Variants in STK3 observed in about 807,000 individuals in gnomAD.
STK3 encodes serine/threonine-protein kinase 3.
In STK3, 41 loss-of-function variants were observed where a neutral mutation model predicts 58.0. The ratio of observed to expected loss-of-function variants is 0.71; its 90% CI spans 0.55 to 0.92. STK3 has a LOEUF of 0.92. Ranked by LOEUF, STK3 falls within the 40% of genes least tolerant of loss-of-function variation. STK3 has a pLI of 0.00. For synonymous variants in STK3, 170 were observed against 191.0 expected (o/e 0.89, Z 0.91); for missense variants, 479 against 602.7 (o/e 0.79, Z 2.15).
intron 4 of STK3, among the ~76,000 whole-genome samples, chr8:98,741,890 A>G: frequency 6.6e-6 from 1 of 152,230 alleles, no homozygotes; most frequent in Non-Finnish European, 1.5e-5. Context: ...AAAAAATGAT[A>G]AAGGGGATAT....
chr8:98,808,311 C>T (rs557828736), intron 1 of STK3, among the ~76,000 whole-genome samples: 16 of 152,296 alleles, frequency 1.1e-4, no homozygotes, highest in South Asian at 6.2e-4. Context: ...TCTGCAAACA[C>T]CAAAACACAT....
intron 2 of STK3, among the ~76,000 whole-genome samples, chr8:98,374,720 G>T (rs1380780421): frequency 6.7e-6 from 1 of 150,016 alleles, no homozygotes; most frequent in Non-Finnish European, 1.5e-5. Context: ...CCATGGATGT[G>T]GGAAGAACTC....
At chr8:98,718,357 G>T (rs1198704485) in intron 4 of STK3, among the ~76,000 whole-genome samples, 1 of 152,160 alleles carries the variant, frequency 6.6e-6, no homozygotes. Context: ...CTGAGAGACA[G>T]GCAAGGACCA....
At chr8:98,696,864 G>T (rs76678403) in intron 6 of STK3, among the ~76,000 whole-genome samples, 42,279 of 152,008 alleles carry the variant, frequency 0.28, 6,486 homozygotes, top group Admixed American at 0.41. Flanking sequence ...GGATGACGCT[G>T]GCCTCATAAA....
chr8:98,602,983 T>C (rs1223267839), intron 6 of STK3, among the ~76,000 whole-genome samples: 1 of 151,784 alleles, frequency 6.6e-6, no homozygotes, highest in Non-Finnish European at 1.5e-5. Context: ...GCTTCTAAAA[T>C]GCCAATCCCC....
chr8:98,822,029 CATAT>C (rs757620395), intron 1 of STK3, among the ~76,000 whole-genome samples: 24 of 151,894 alleles, frequency 1.6e-4, no homozygotes, highest in Non-Finnish European at 1.5e-5. Context: ...TACATACATA[CATAT>C]ATATATACAC....
chr8:98,547,392 CAGAG>C (rs1400719722), intron 9 of STK3, among the ~76,000 whole-genome samples: 1 of 152,154 alleles, frequency 6.6e-6, no homozygotes, highest in African/African-American at 2.4e-5. Context: ...CAACAGAGGT[CAGAG>C]AGAATGTTTG....
At position 98,895,150 on chromosome 8, in the gene STK3, TAAA is replaced by T. The variant is rs1284235618; in HGVS notation, c.-78-11319_-78-11317del. The stretch of plus-strand genomic sequence containing the variant: ...ATGTTTATCTGCTCCCTGTGCCAGG[TAAA>T]GGGCCACAAAGGGATTAAAGTGTAT... On this transcript the variant is annotated intron_variant, in intron 1 of 1. Transcript: ENST00000519420. Among the ~76,000 whole-genome samples, 292 of 152,224 alleles carry T rather than the reference TAAA, an allele frequency of 1.9e-3. 1 individual carries two copies. The highest frequency in any genetic ancestry group is 6.3e-3 in the African/African-American group (262 of 41,540).
intron 8 of STK3, 25 bp downstream of exon 8, chr8:98,579,639 C>CT: frequency 6.3e-7 from 1 of 1,596,036 alleles, no homozygotes; most frequent in Non-Finnish European, 8.5e-7. Context: ...AGAAAAAAAT[C>CT]AACTTTTTGA....
chr8:98,806,149 A>G (rs1311976983), intron 1 of STK3, among the ~76,000 whole-genome samples: 1 of 152,218 alleles, frequency 6.6e-6, no homozygotes, highest in Non-Finnish European at 1.5e-5. Context: ...GCCTATTTCC[A>G]TTAAATACCT....
intron 1 of STK3, among the ~76,000 whole-genome samples, chr8:98,887,751 A>G (rs1052733481): frequency 6.6e-6 from 1 of 152,214 alleles, no homozygotes; most frequent in Admixed American, 6.5e-5. Context: ...GTAGTAGTAG[A>G]GATGACCCCA....
At chr8:98,582,440 A>G (rs1001059825) in intron 7 of STK3, among the ~76,000 whole-genome samples, 4 of 152,058 alleles carry the variant, frequency 2.6e-5, no homozygotes, top group African/African-American at 9.7e-5. Context: ...GAATGAATAT[A>G]TAAATATTCT....
At chr8:98,440,110 A>G (rs979967454) in intron 1 of STK3, among the ~76,000 whole-genome samples, 1 of 152,152 alleles carries the variant, frequency 6.6e-6, no homozygotes, top group Non-Finnish European at 1.5e-5. Flanking sequence ...GGGCCAGTCT[A>G]GCCCCAAAGG....
In STK3 at chr8:98,466,224, T is replaced by C. The variant is rs142436483; in HGVS notation, c.1318-10224A>G. On this transcript the variant is annotated intron_variant, in intron 10 of 10. Transcript: ENST00000419617. ...AACATTATATGAGAAATATTTGTTA[T>C]GGAAGATCACAAACATTACAAAAAC... Among the ~76,000 whole-genome samples, 590 of 152,350 alleles carry C rather than the reference T, an allele frequency of 3.9e-3. 3 individuals carry two copies. The highest frequency in any genetic ancestry group is 0.014 in the African/African-American group (567 of 41,584).
At chr8:98,938,312 G>T (rs556093819) in intron 1 of STK3, among the ~76,000 whole-genome samples, 1 of 152,280 alleles carries the variant, frequency 6.6e-6, no homozygotes, top group African/African-American at 2.4e-5. Context: ...CTTTGGCCGA[G>T]GAGAGAAGTT....
At chr8:98,588,744 G>A (rs1306416831) in intron 7 of STK3, among the ~76,000 whole-genome samples, 38 of 151,548 alleles carry the variant, frequency 2.5e-4, no homozygotes, top group South Asian at 2.1e-4. Context: ...CCAATTAGAC[G>A]TAGATTTGGT....
the STK3 span, among the ~76,000 whole-genome samples, chr8:98,363,213 T>C: frequency 0.012 from 1,881 of 152,288 alleles, 29 homozygotes; most frequent in African/African-American, 0.043. Context: ...TGCATTTTTC[T>C]ATAACAAATC....
At chr8:98,478,221 C>T (rs1821532078) in intron 10 of STK3, among the ~76,000 whole-genome samples, 1 of 152,098 alleles carries the variant, frequency 6.6e-6, no homozygotes, top group Non-Finnish European at 1.5e-5. Flanking sequence ...AATACTCTGC[C>T]CCTCACTCAC....
intron 1 of STK3, among the ~76,000 whole-genome samples, chr8:98,906,985 C>T (rs1202650915): frequency 8.0e-6 from 1 of 124,358 alleles, no homozygotes; most frequent in East Asian, 2.0e-4. Flanking sequence ...CCCATCTCTA[C>T]CAATAAAAAA....
Sources: gnomAD v4.1 joint callset for allele counts (sites outside exome capture counted in the v4.1 genomes callset) on GRCh38, gnomAD v4.1.1 for gene constraint, MANE v1.5 for transcripts, NCBI Gene and HGNC (gene_info 2026-07-23, HGNC 2026-07-21) for gene names.